PDSS2: variants seen among roughly 807,000 people sequenced by gnomAD.
PDSS2 encodes the protein all trans-polyprenyl-diphosphate synthase PDSS2.
A neutral mutation model predicts 44.5 loss-of-function variants in PDSS2; 31 were observed. The observed-to-expected ratio is 0.70, with a 90% CI of 0.52 to 0.94. The LOEUF (loss-of-function observed/expected upper bound fraction) is 0.94. PDSS2 is among the 40% of genes least tolerant of loss of function. PDSS2 has a pLI of 0.00. For missense variants in PDSS2, 452 were observed against 482.2 expected (o/e 0.94, Z 0.59); for synonymous variants, 157 against 180.3 (o/e 0.87, Z 1.03).
rs1209457092 is a variant in PDSS2, at chr6:107,177,134, T to C, written c.1041+16688A>G. Among the ~76,000 whole-genome samples, 3 of 58,298 alleles carry C rather than the reference T, an allele frequency of 5.1e-5. No homozygotes were observed. The East Asian group carries it at 9.8e-4, about 19-fold the overall frequency. 38.2% of individuals were successfully genotyped at this position (58,298 alleles called of 152,430 possible). On this transcript the variant is annotated intron_variant, in intron 7 of 7. Transcript: ENST00000369037. ...TGCTGAAACACGTAATGTAATTCTT[T>C]TTTTTTTTTTTTTTGGGAGACAGGG...
chr6:107,427,192 T>G (rs997986048), intron 1 of PDSS2, among the ~76,000 whole-genome samples: 1 of 152,168 alleles, frequency 6.6e-6, no homozygotes, highest in African/African-American at 2.4e-5. Flanking sequence ...TGACAGTGAA[T>G]GAGTCTCACG....
chr6:107,334,403 T>C, intron 1 of PDSS2, 71 bp from the exon 2 acceptor site: 2 of 1,377,144 alleles, frequency 1.5e-6, no homozygotes, highest in Non-Finnish European at 2.1e-6. Flanking sequence ...AGAAAACTGC[T>C]ACAAAGATGC....
intron 3 of PDSS2, 145 bp downstream of exon 3, chr6:107,273,884 C>T: frequency 1.4e-6 from 1 of 701,036 alleles, no homozygotes; most frequent in Non-Finnish European, 2.6e-6. Context: ...ACACTGCCAT[C>T]ATTATGTTCA....
chr6:107,354,761 T>C (rs1778542826), intron 1 of PDSS2, among the ~76,000 whole-genome samples: 1 of 152,172 alleles, frequency 6.6e-6, no homozygotes, highest in Admixed American at 6.5e-5. Flanking sequence ...TTGAGGATCC[T>C]TACCTTAAAA....
At chr6:107,347,485 G>T (rs1193282932) in intron 1 of PDSS2, among the ~76,000 whole-genome samples, 1 of 152,002 alleles carries the variant, frequency 6.6e-6, no homozygotes, top group African/African-American at 2.4e-5. Context: ...TGGCCAGGCT[G>T]AACTCCTGAC....
At chr6:107,266,368 A>G (rs1365581184) in intron 3 of PDSS2, among the ~76,000 whole-genome samples, 1 of 151,502 alleles carries the variant, frequency 6.6e-6, no homozygotes, top group Non-Finnish European at 1.5e-5. Flanking sequence ...TCTTTCACAA[A>G]AAGTGAACCC....
chr6:107,457,403 G>A (rs1310081425), intron 1 of PDSS2, among the ~76,000 whole-genome samples: 1 of 152,164 alleles, frequency 6.6e-6, no homozygotes, highest in East Asian at 1.9e-4. Flanking sequence ...CAAAATAGAA[G>A]TTTACTTTTA....
intron 7 of PDSS2, among the ~76,000 whole-genome samples, chr6:107,175,083 A>C (rs1047934119): frequency 6.6e-6 from 1 of 152,020 alleles, no homozygotes; most frequent in Non-Finnish European, 1.5e-5. Context: ...ATGCTGGCAC[A>C]CGCCTGTAAT....
At chr6:107,406,741 G>A (rs896867990) in intron 1 of PDSS2, among the ~76,000 whole-genome samples, 2 of 152,178 alleles carry the variant, frequency 1.3e-5, no homozygotes, top group African/African-American at 2.4e-5. Context: ...TATCAAGAAG[G>A]TCAAATTCAC....
rs528214768 is a variant in PDSS2 at position 107,258,220 on chromosome 6, A to G, written c.631-12601T>C. 2.0e-5 allele frequency among the ~76,000 whole-genome samples: 3 copies of G among 152,234 alleles called. No homozygotes were observed. The East Asian group carries it at 5.8e-4, about 29-fold the overall frequency. On this transcript the variant is annotated intron_variant, in intron 3 of 7. Transcript: ENST00000369037. ...TTAGATTGCTGAAATATGCACAAAA[A>G]TCTTTAGCTCTCTGATTTTATATAA...
At chr6:107,324,579 G>A (rs1777480608) in intron 2 of PDSS2, among the ~76,000 whole-genome samples, 1 of 152,032 alleles carries the variant, frequency 6.6e-6, no homozygotes. Context: ...CCTTATATCT[G>A]TTTCCAAACC....
intron 1 of PDSS2, among the ~76,000 whole-genome samples, chr6:107,420,562 A>T (rs1780792477): frequency 1.3e-5 from 2 of 152,228 alleles, no homozygotes; most frequent in African/African-American, 2.4e-5. Flanking sequence ...GTACAAAAGT[A>T]GTTCAATGGA....
intron 1 of PDSS2, among the ~76,000 whole-genome samples, chr6:107,424,559 AC>A (rs1225650349): frequency 6.6e-6 from 1 of 151,882 alleles, no homozygotes; most frequent in Non-Finnish European, 1.5e-5. Context: ...TATTTCTCCT[AC>A]CTATCCTTTG....
At chr6:107,201,882 C>T (rs886098177) in intron 6 of PDSS2, among the ~76,000 whole-genome samples, 3 of 152,220 alleles carry the variant, frequency 2.0e-5, no homozygotes, top group Admixed American at 2.0e-4. Flanking sequence ...TTTCCCTCCA[C>T]TTAGATTCAA....
At chr6:107,341,330 A>G (rs1778072947) in intron 1 of PDSS2, among the ~76,000 whole-genome samples, 1 of 152,190 alleles carries the variant, frequency 6.6e-6, no homozygotes, top group Non-Finnish European at 1.5e-5. Context: ...TGATAATGCT[A>G]CCGTTAGTAG....
At chr6:107,329,257 T>C (rs1234087619) in intron 2 of PDSS2, among the ~76,000 whole-genome samples, 1 of 152,214 alleles carries the variant, frequency 6.6e-6, no homozygotes, top group Non-Finnish European at 1.5e-5. Flanking sequence ...CTGAAAACCA[T>C]TCTGTGAAGT....
At chr6:107,282,184 G>A (rs1294145170) in intron 2 of PDSS2, among the ~76,000 whole-genome samples, 1 of 152,198 alleles carries the variant, frequency 6.6e-6, no homozygotes, top group African/African-American at 2.4e-5. Context: ...GGGATTAGAG[G>A]TGTGAGCCAC....
chr6:107,408,253 C>G (rs1249583771), intron 1 of PDSS2, among the ~76,000 whole-genome samples: 2 of 151,816 alleles, frequency 1.3e-5, no homozygotes, highest in African/African-American at 4.8e-5. Context: ...TGGTCTTGAA[C>G]GCCTGACCCC....
intron 3 of PDSS2, among the ~76,000 whole-genome samples, chr6:107,272,090 A>AC (rs1562424338): frequency 6.6e-6 from 1 of 151,374 alleles, no homozygotes; most frequent in African/African-American, 2.4e-5. Flanking sequence ...GAAACAAAAA[A>AC]AAAAAAAAGG....
Sources: gnomAD v4.1 joint callset for allele counts (sites outside exome capture counted in the v4.1 genomes callset) on GRCh38, gnomAD v4.1.1 for gene constraint, MANE v1.5 for transcripts, NCBI Gene and HGNC (gene_info 2026-07-23, HGNC 2026-07-21) for gene names.